COL4A1: variants seen among roughly 807,000 people sequenced by gnomAD.
COL4A1 encodes the protein collagen alpha-1(IV) chain.
A neutral mutation model predicts 216.6 loss-of-function variants in COL4A1; 40 were observed. The observed-to-expected ratio is 0.18, with a 90% CI of 0.14 to 0.24. The LOEUF is 0.24. COL4A1 is among the 10% of genes least tolerant of loss of function. The pLI, the probability that COL4A1 is intolerant of heterozygous loss-of-function variation, is 1.00. For missense variants in COL4A1, 1,628 were observed against 2,196.8 expected, an observed-to-expected ratio of 0.74 and a Z score of 5.18; for synonymous variants, 839 against 810.7, an observed-to-expected ratio of 1.03 and a Z score of -0.59.
intron 1 of COL4A1, among the ~76,000 whole-genome samples, chr13:110,253,333 GTAT>G (rs1882294876): frequency 1.3e-5 from 1 of 75,190 alleles, no homozygotes; most frequent in Admixed American, 1.8e-4. Context: ...ATAATTATAT[GTAT>G]TACATATACA....
At chr13:110,160,867 C>A (rs1032321185) in intron 49 of COL4A1, among the ~76,000 whole-genome samples, 4 of 152,172 alleles carry the variant, frequency 2.6e-5, no homozygotes, top group African/African-American at 9.7e-5. Flanking sequence ...CACCACCACG[C>A]CCAGCTAACT....
intron 2 of COL4A1, among the ~76,000 whole-genome samples, chr13:110,219,866 G>A (rs1268439932): frequency 1.4e-4 from 9 of 66,624 alleles, no homozygotes; most frequent in South Asian, 4.2e-4. Flanking sequence ...GTATATATGT[G>A]TGTGTATATA....
intron 50 of COL4A1, among the ~76,000 whole-genome samples, chr13:110,154,192 G>C (rs574700024): frequency 6.6e-6 from 1 of 152,184 alleles, no homozygotes; most frequent in Non-Finnish European, 1.5e-5. Flanking sequence ...TATGTGTAGG[G>C]TCATTTACTG....
At chr13:110,252,671 A>T (rs1277988159) in intron 1 of COL4A1, among the ~76,000 whole-genome samples, 1 of 143,438 alleles carries the variant, frequency 7.0e-6, no homozygotes, top group Non-Finnish European at 1.5e-5. Context: ...GTATATATAC[A>T]TATAATATGT....
chr13:110,303,132 A>G (rs1371316462), intron 1 of COL4A1, among the ~76,000 whole-genome samples: 1 of 152,200 alleles, frequency 6.6e-6, no homozygotes, highest in Non-Finnish European at 1.5e-5. Flanking sequence ...CATCCTTGCC[A>G]GTTCTCAGAA....
intron 6 of COL4A1, among the ~76,000 whole-genome samples, chr13:110,212,166 G>C (rs1336345016): frequency 2.0e-5 from 3 of 152,172 alleles, no homozygotes; most frequent in Non-Finnish European, 4.4e-5. Flanking sequence ...AATGATTATA[G>C]GTAATAACTT....
intron 25 of COL4A1, 55 bp downstream of exon 25, chr13:110,187,083 T>C (rs552009646): frequency 1.9e-6 from 3 of 1,592,340 alleles, no homozygotes; most frequent in East Asian, 4.5e-5. Flanking sequence ...CATTTCTCAA[T>C]GCTTTGCAGA....
chr13:110,236,954 A>T (rs950184618), intron 2 of COL4A1, among the ~76,000 whole-genome samples: 1 of 152,156 alleles, frequency 6.6e-6, no homozygotes, highest in Non-Finnish European at 1.5e-5. Flanking sequence ...CCCTTGTCAC[A>T]CACAGGGGCT....
chr13:110,285,200 T>C (rs1883790430), intron 1 of COL4A1, among the ~76,000 whole-genome samples: 1 of 152,256 alleles, frequency 6.6e-6, no homozygotes, highest in Non-Finnish European at 1.5e-5. Context: ...TATTAAAATG[T>C]TGAAGCCAGG....
Position 110,169,618 on chromosome 13 carries a change from C to G in COL4A1, c.3876+11G>C. ...CCTTTAAAAATAAAAATCTACAAATCAATAACTCACAGGCATGCCCTGGAA... is the reference window on the plus strand; with the variant it reads ...CCTTTAAAAATAAAAATCTACAAATGAATAACTCACAGGCATGCCCTGGAA... On this transcript the variant is annotated intron_variant, in intron 43 of 51. Transcript: ENST00000375820. 3 of 1,613,724 alleles carry G rather than the reference C, an allele frequency of 1.9e-6. No individual in the cohort carries two copies. The highest frequency in any genetic ancestry group is 2.5e-6 in the Non-Finnish European group (3 of 1,179,942).
At chr13:110,190,369 G>A (rs1002994851) in intron 24 of COL4A1, among the ~76,000 whole-genome samples, 1 of 152,160 alleles carries the variant, frequency 6.6e-6, no homozygotes, top group African/African-American at 2.4e-5. Context: ...CCTCTAAAAA[G>A]TGGTGCCACT....
At chr13:110,154,029 T>A (rs1036786081) in intron 50 of COL4A1, among the ~76,000 whole-genome samples, 4 of 152,178 alleles carry the variant, frequency 2.6e-5, no homozygotes, top group Non-Finnish European at 4.4e-5. Flanking sequence ...TTCCCGCCAA[T>A]TTTTTCTACA....
intron 49 of COL4A1, among the ~76,000 whole-genome samples, chr13:110,159,993 T>C (rs2138426005): frequency 6.6e-6 from 1 of 151,874 alleles, no homozygotes; most frequent in African/African-American, 2.4e-5. Flanking sequence ...AGAGTTTGAG[T>C]TTGGGAAAAT....
intron 1 of COL4A1, among the ~76,000 whole-genome samples, chr13:110,287,073 G>A (rs1304659877): frequency 1.3e-5 from 2 of 152,188 alleles, no homozygotes; most frequent in Non-Finnish European, 2.9e-5. Flanking sequence ...TCTTCACACA[G>A]AGGCCACCCA....
intron 1 of COL4A1, among the ~76,000 whole-genome samples, chr13:110,272,137 C>G (rs773394564): frequency 6.6e-6 from 1 of 152,182 alleles, no homozygotes; most frequent in Non-Finnish European, 1.5e-5. Flanking sequence ...CCAGAAATAT[C>G]CTTTAAAGTT....
At chr13:110,226,560 C>G (rs1380611651) in intron 2 of COL4A1, among the ~76,000 whole-genome samples, 2 of 152,218 alleles carry the variant, frequency 1.3e-5, no homozygotes, top group African/African-American at 4.8e-5. Flanking sequence ...TCCCTTGACT[C>G]CCAGATATAC....
chr13:110,210,224 A>T lies in COL4A1; in HGVS notation c.469-12T>A. On this transcript the variant is annotated splice_polypyrimidine_tract_variant and intron_variant, in intron 8 of 51. Coordinates refer to ENST00000375820, the MANE Select transcript of COL4A1 (RefSeq NM_001845.6). Reference sequence around the variant, plus strand: ...TCACCTGGATCACCCTAGAGGATGAAGAAAGAAAATAGAAAGTTGCAAATA... The same window carrying T: ...TCACCTGGATCACCCTAGAGGATGATGAAAGAAAATAGAAAGTTGCAAATA... 6.2e-7 allele frequency: 1 copy of T among 1,612,472 alleles called. No homozygotes were observed. The highest frequency in any genetic ancestry group is 8.5e-7 in the Non-Finnish European group (1 of 1,179,478).
chr13:110,262,912 G>A (rs1474582739), intron 1 of COL4A1, among the ~76,000 whole-genome samples: 1 of 152,174 alleles, frequency 6.6e-6, no homozygotes, highest in Non-Finnish European at 1.5e-5. Flanking sequence ...CCTAAAGGCG[G>A]CTGCTAGCAC....
chr13:110,261,036 CAAAA>C (rs575253533), intron 1 of COL4A1, among the ~76,000 whole-genome samples: 3 of 83,450 alleles, frequency 3.6e-5, no homozygotes, highest in Admixed American at 3.3e-4. Flanking sequence ...GACTCCGTCT[CAAAA>C]AAAAAAAAAA....
Sources: gnomAD v4.1 joint callset for allele counts (sites outside exome capture counted in the v4.1 genomes callset) on GRCh38, gnomAD v4.1.1 for gene constraint, MANE v1.5 for transcripts, NCBI Gene and HGNC (gene_info 2026-07-23, HGNC 2026-07-21) for gene names.